The following HK1 variants were observed in gnomAD, a reference collection of about 807,000 sequenced individuals.
The protein encoded by HK1 is hexokinase 1, also known as hexokinase-1.
In HK1, 28 loss-of-function variants were observed where a neutral mutation model predicts 91.6. The ratio of observed to expected loss-of-function variants is 0.31; its 90% CI spans 0.23 to 0.42. The LOEUF (loss-of-function observed/expected upper bound fraction) is 0.42, where lower values mean the gene tolerates loss of function less well. Among genes scored for constraint, HK1 ranks in the 10% least tolerant of loss-of-function variants. The probability of loss-of-function intolerance (pLI) is 1.00; values close to 1 mark genes in which losing one functional copy is unlikely to be tolerated. For synonymous variants in HK1, 430 were observed against 468.1 expected, an observed-to-expected ratio of 0.92 and a Z score of 1.05; for missense variants, 770 against 1,219.8, an observed-to-expected ratio of 0.63 and a Z score of 5.49.
intron 5 of HK1, among the ~76,000 whole-genome samples, chr10:69,309,495 TAAAAAAA>T (rs1177161842): frequency 1.3e-4 from 6 of 46,954 alleles, no homozygotes; most frequent in African/African-American, 2.4e-4. Flanking sequence ...TTTGTCTCAT[TAAAAAAA>T]AAAAAAAAAA....
At chr10:69,290,791 T>C (rs911703952) in intron 3 of HK1, among the ~76,000 whole-genome samples, 1 of 152,182 alleles carries the variant, frequency 6.6e-6, no homozygotes, top group African/African-American at 2.4e-5. Flanking sequence ...TGAACCTCTG[T>C]GCTCAGCCCC....
intron 3 of HK1, among the ~76,000 whole-genome samples, chr10:69,289,620 C>T (rs10998697): frequency 0.28 from 42,649 of 150,584 alleles, 6,494 homozygotes; most frequent in East Asian, 0.53. Context: ...TACAGGCGTG[C>T]GCCACCATGC....
chr10:69,289,450 TAA>T (rs771213757), intron 3 of HK1, among the ~76,000 whole-genome samples: 21 of 134,162 alleles, frequency 1.6e-4, no homozygotes, highest in Non-Finnish European at 1.9e-4. Context: ...TTCTGCCCAT[TAA>T]AAAAAAAAAT....
At chr10:69,303,304 T>G (rs1589454542) in intron 5 of HK1, among the ~76,000 whole-genome samples, 1 of 152,182 alleles carries the variant, frequency 6.6e-6, no homozygotes, top group East Asian at 1.9e-4. Context: ...ATCTCTTTTT[T>G]TTAATTAGAA....
At chr10:69,319,154 T>A in intron 1 of HK1, 144 bp downstream of exon 1, 1 of 977,308 alleles carries the variant, frequency 1.0e-6, no homozygotes, top group South Asian at 1.4e-5. Flanking sequence ...AAGGAAAGCC[T>A]TCGCCTTCGA....
rs33984080 is a variant in HK1, at chr10:69,342,162, AAAACAAACAAAC to A, written c.64-1641_64-1630del. On this transcript the variant is annotated intron_variant, in intron 1 of 17. Transcript: ENST00000359426. Reference sequence around the variant, plus strand: ...GACTATGAAAAAAAAACCAACCCCAAAAACAAACAAACAAACAAACAAACAAACAAACAAAGG... The same window carrying A: ...GACTATGAAAAAAAAACCAACCCCAAAAACAAACAAACAAACAAACAAAGG... Among the ~76,000 whole-genome samples, 761 of 141,012 alleles carry A rather than the reference AAAACAAACAAAC, an allele frequency of 5.4e-3. 2 individuals are homozygous for A. Among genetic ancestry groups the A allele is most frequent in the African/African-American group, 0.019 (697 of 37,060 alleles). 92.5% of individuals were successfully genotyped at this position (141,012 alleles called of 152,430 possible).
At chr10:69,391,052 T>G (rs1839874199) in intron 14 of HK1, among the ~76,000 whole-genome samples, 1 of 152,046 alleles carries the variant, frequency 6.6e-6, no homozygotes, top group Admixed American at 6.6e-5. Flanking sequence ...CTATTTTGAG[T>G]GACTCTGCTC....
Position 69,392,170 on chromosome 10 carries a change from A to C in HK1, c.2081A>C (p.Glu694Ala), listed in dbSNP as rs1306440160. 6.2e-7 allele frequency: 1 copy of C among 1,614,050 alleles called. No individual in the cohort carries two copies. The highest frequency in any genetic ancestry group is 8.5e-7 in the Non-Finnish European group (1 of 1,180,042). ...ACYMEEMKNVEMVEGDQGQMC... is the reference protein window; with the variant it reads ...ACYMEEMKNVAMVEGDQGQMC... ...TACATGGAGGAGATGAAGAACGTGG[A>C]GATGGTGGAGGGGGACCAGGGGCAG... The change falls in exon 15 of 18, where the codon GAG (glutamate) becomes GCG (alanine). Residue 694 changes from glutamate (E) to alanine (A), a missense_variant. Physicochemically the swap from Glu to Ala is moderately radical, Grantham distance 107. Around this residue, in one of 7 missense-constraint regions of HK1, gnomAD observed 152 missense variants for 211.1 expected, o/e 0.72. Transcript: ENST00000359426.
intron 5 of HK1, among the ~76,000 whole-genome samples, chr10:69,310,030 A>T (rs1846291884): frequency 1.3e-5 from 2 of 150,748 alleles, no homozygotes; most frequent in Non-Finnish European, 3.0e-5. Flanking sequence ...AGCCTAGGCA[A>T]CAAGAGCGAA....
At chr10:69,322,498 G>A (rs1211439734) in intron 1 of HK1, among the ~76,000 whole-genome samples, 3 of 152,170 alleles carry the variant, frequency 2.0e-5, no homozygotes, top group Non-Finnish European at 4.4e-5. Flanking sequence ...CTTGACCCAG[G>A]AAGACAGGGG....
chr10:69,379,284 A>G (rs534404574), intron 8 of HK1, among the ~76,000 whole-genome samples: 6 of 152,360 alleles, frequency 3.9e-5, no homozygotes, highest in African/African-American at 1.2e-4. Flanking sequence ...GATTTACAGG[A>G]AAGCTGCAAA....
chr10:69,379,898 G>C lies in HK1; in HGVS notation c.1068G>C (p.Leu356=). ...GCCTCCACAATGCCAAAGAAATCCT[G>C]ACCCGCCTGGGAGTGGAGCCGTCCG... The part of the protein sequence containing the change: ...KEGLHNAKEI[L]TRLGVEPSDD... The change falls in exon 9 of 18, where the codon CTG becomes CTC. Residue 356 remains leucine, a synonymous_variant. Transcript: ENST00000359426. 6.2e-7 allele frequency: 1 copy of C among 1,614,112 alleles called. No individual in the cohort carries two copies. The highest frequency in any genetic ancestry group is 8.5e-7 in the Non-Finnish European group (1 of 1,179,992).
chr10:69,308,280 C>CA (rs1280571410), intron 5 of HK1, among the ~76,000 whole-genome samples: 1 of 152,110 alleles, frequency 6.6e-6, no homozygotes, highest in Non-Finnish European at 1.5e-5. Flanking sequence ...GATCATTATG[C>CA]AGCAGGACAA....
chr10:69,278,463 A>T (rs1218047265), intron 1 of HK1: 1 of 152,228 alleles, frequency 6.6e-6, no homozygotes, highest in Non-Finnish European at 1.5e-5. Flanking sequence ...AGGCAGCTAA[A>T]GCTATGTGGT....
rs1024385952 is a variant in HK1, at chr10:69,338,316, T to C, written c.64-5511T>C. On this transcript the variant is annotated intron_variant, in intron 1 of 17. Transcript: ENST00000359426. ...CTGGATGCGGGTTCTCAGGCAAGAG[T>C]CTGAGGGACCCAGCTCGGTGTCTGA... 6.8e-6 allele frequency: 8 copies of C among 1,179,290 alleles called. No individual in the cohort carries two copies. The African/African-American group carries it at 1.1e-4, about 17-fold the overall frequency. 73.1% of individuals were successfully genotyped at this position (1,179,290 alleles called of 1,614,324 possible).
intron 1 of HK1, among the ~76,000 whole-genome samples, chr10:69,272,552 CT>C (rs1844222118): frequency 6.6e-6 from 1 of 152,012 alleles, no homozygotes; most frequent in African/African-American, 2.4e-5. Context: ...TAGTTTGGTA[CT>C]TTTTTCCTCC....
At chr10:69,294,480 G>A (rs557056863) in intron 3 of HK1, among the ~76,000 whole-genome samples, 23 of 152,296 alleles carry the variant, frequency 1.5e-4, no homozygotes, top group Middle Eastern at 3.4e-3. Flanking sequence ...CCAGCACTTT[G>A]GGAAGTTGAG....
chr10:69,274,259 C>A (rs1425713027), intron 1 of HK1, among the ~76,000 whole-genome samples: 1 of 152,086 alleles, frequency 6.6e-6, no homozygotes, highest in Non-Finnish European at 1.5e-5. Context: ...GCCTGGGCAA[C>A]ATAGATCTCA....
At chr10:69,323,794 C>CACGCTCCT (rs1455396568) in intron 1 of HK1, among the ~76,000 whole-genome samples, 11 of 152,188 alleles carry the variant, frequency 7.2e-5, no homozygotes, top group Non-Finnish European at 1.6e-4. Context: ...GCCATGCTCC[C>CACGCTCCT]ACGCTCCTAC....
Sources: gnomAD v4.1 joint callset for allele counts (sites outside exome capture counted in the v4.1 genomes callset) on GRCh38, gnomAD v4.1.1 for gene constraint, gnomAD v4.1.1 regional missense constraint, MANE v1.5 for transcripts, NCBI Gene and HGNC (gene_info 2026-07-23, HGNC 2026-07-21) for gene names.